Variants in USP28 observed in about 807,000 individuals in gnomAD.
USP28 encodes the protein ubiquitin carboxyl-terminal hydrolase 28.
Under a neutral mutation model 145.0 loss-of-function variants are expected in USP28, and 113 were observed. That is an observed-to-expected ratio of 0.78 (90% CI 0.67 to 0.91). The LOEUF (loss-of-function observed/expected upper bound fraction) is 0.91. USP28 is among the 40% of genes least tolerant of loss of function. The probability of loss-of-function intolerance (pLI) is 0.00; values close to 1 mark genes in which losing one functional copy is unlikely to be tolerated. For missense variants in USP28, 1,201 were observed against 1,289.6 expected (o/e 0.93, Z 1.05); for synonymous variants, 447 against 450.9 (o/e 0.99, Z 0.11).
chr11:113,813,764 T>G, intron 15 of USP28, 121 bp downstream of exon 15: 1 of 774,902 alleles, frequency 1.3e-6, no homozygotes, highest in Admixed American at 2.7e-5. Context: ...ATTTATATCT[T>G]AAGTTTATTC....
In USP28 at chr11:113,853,892, AGTAT is replaced by A. The variant is rs1946753495; in HGVS notation, c.135+362_135+365del. Among the ~76,000 whole-genome samples the A allele has an allele frequency of 4.7e-5, 7 of 149,130 alleles. No individual in the cohort carries two copies. In the South Asian group the frequency reaches 1.5e-3, roughly 31 times the overall value. ...AGACTCCATCTCAAAAAAAAAAAAA[AGTAT>A]ATATATATACATACCTTAAGAATAA... On this transcript the variant is annotated intron_variant, in intron 2 of 24. Coordinates refer to ENST00000003302, the Ensembl canonical transcript of USP28.
exon 4 of USP28, chr11:113,841,702 T>C: frequency 6.2e-7 from 1 of 1,613,578 alleles, no homozygotes; most frequent in Non-Finnish European, 8.5e-7. Context: ...TTTGGGAGAC[T>C]CCAGTAGACT....
At chr11:113,874,096 G>C (rs2137301204) in intron 1 of USP28, among the ~76,000 whole-genome samples, 1 of 144,530 alleles carries the variant, frequency 6.9e-6, no homozygotes, top group African/African-American at 2.6e-5. Context: ...AGCCGAGATC[G>C]CGCCACTGCA....
chr11:113,827,502 T>A (rs1171846398), intron 10 of USP28, 142 bp from the exon 11 acceptor site: 1 of 756,392 alleles, frequency 1.3e-6, no homozygotes, highest in Admixed American at 3.6e-5. Flanking sequence ...AGAACTTTTT[T>A]TTATCCCAAA....
intron 4 of USP28, among the ~76,000 whole-genome samples, chr11:113,841,431 C>G (rs1393625945): frequency 6.6e-6 from 1 of 152,206 alleles, no homozygotes; most frequent in African/African-American, 2.4e-5. Context: ...CAATTGTAAA[C>G]TGAAACACCT....
intron 8 of USP28, 43 bp from the exon 9 acceptor site, chr11:113,830,986 A>C (rs1943913052): frequency 6.3e-7 from 1 of 1,599,078 alleles, no homozygotes; most frequent in African/African-American, 1.4e-5. Flanking sequence ...GTTTGGATTA[A>C]GATATGTGCT....
At position 113,823,587 on chromosome 11, in the gene USP28, A is replaced by AAGG; in HGVS notation, c.1283+15_1283+17dup. 6.5e-7 allele frequency: 1 copy of AAGG among 1,542,268 alleles called. No individual in the cohort carries two copies. Among genetic ancestry groups the AAGG allele is most frequent in the Admixed American group, 1.7e-5 (1 of 58,048 alleles). On this transcript the variant is annotated intron_variant, in intron 12 of 24. Transcript: ENST00000003302. ...ATATTCTTTTACATTTCTAAGCATGAAGGTGTCCAAAACTCACCTTTCCAA... is the reference window on the plus strand; with the variant it reads ...ATATTCTTTTACATTTCTAAGCATGAAGGAGGTGTCCAAAACTCACCTTTCCAA...
Position 113,825,829 on chromosome 11 carries a change from T to C in USP28, c.1187+1404A>G, listed in dbSNP as rs1041774387. 9.5e-4 allele frequency among the ~76,000 whole-genome samples: 145 copies of C among 152,250 alleles called. 1 individual carries two copies. Among genetic ancestry groups the C allele is most frequent in the African/African-American group, 3.3e-3 (137 of 41,546 alleles). On this transcript the variant is annotated intron_variant, in intron 11 of 24. Transcript: ENST00000003302. Reference sequence around the variant, plus strand: ...AAAACATTAAGTGGTTGCCAGGACCTGGAGATGGAGAGAAAGGGAATGATC... The same window carrying C: ...AAAACATTAAGTGGTTGCCAGGACCCGGAGATGGAGAGAAAGGGAATGATC...
intron 18 of USP28, 28 bp downstream of exon 18, chr11:113,808,270 T>A (rs891379285): frequency 6.2e-7 from 1 of 1,603,938 alleles, no homozygotes; most frequent in Admixed American, 1.7e-5. Flanking sequence ...CCGGCTCTCC[T>A]GAACTTGGGC....
intron 12 of USP28, among the ~76,000 whole-genome samples, chr11:113,820,594 T>C (rs966010805): frequency 1.3e-5 from 2 of 152,150 alleles, no homozygotes; most frequent in African/African-American, 4.8e-5. Context: ...GACCTAGGGA[T>C]AGCACCATGA....
intron 1 of USP28, among the ~76,000 whole-genome samples, chr11:113,871,326 T>C (rs568816080): frequency 1.3e-5 from 2 of 152,122 alleles, no homozygotes; most frequent in South Asian, 4.1e-4. Flanking sequence ...AGTGAAGGTG[T>C]CTGGGGGTTA....
At chr11:113,866,789 T>C (rs1948290812) in intron 1 of USP28, among the ~76,000 whole-genome samples, 1 of 152,208 alleles carries the variant, frequency 6.6e-6, no homozygotes, top group Non-Finnish European at 1.5e-5. Flanking sequence ...CAACAATTCC[T>C]TCTAGGTATA....
Position 113,824,039 on chromosome 11 carries a change from TAAA to T in USP28, c.1188-342_1188-340del, listed in dbSNP as rs537756148. 2.6e-3 allele frequency among the ~76,000 whole-genome samples: 388 copies of T among 151,838 alleles called. 4 individuals are homozygous for T. Among genetic ancestry groups the T allele is most frequent in the African/African-American group, 8.9e-3 (368 of 41,398 alleles). On this transcript the variant is annotated intron_variant, in intron 11 of 24. Coordinates refer to ENST00000003302, the Ensembl canonical transcript of USP28. ...AGCATGCAGAAAATCTTAAGGAACC[TAAA>T]AAAATACATCAGAACTAATAAGTGA... is the stretch of plus-strand genomic sequence containing the variant.
chr11:113,842,926 A>C (rs1245298392), intron 3 of USP28, among the ~76,000 whole-genome samples: 1 of 152,196 alleles, frequency 6.6e-6, no homozygotes, highest in Non-Finnish European at 1.5e-5. Flanking sequence ...TGGTTCTGGA[A>C]GTTCTAGGCA....
At chr11:113,874,716 A>T (rs1203321466) in intron 1 of USP28, 2 of 1,198,530 alleles carry the variant, frequency 1.7e-6, no homozygotes, top group African/African-American at 3.2e-5. Context: ...AAGTTTCTTC[A>T]TACAGACATT....
intron 3 of USP28, among the ~76,000 whole-genome samples, chr11:113,847,564 C>G (rs1946009646): frequency 6.6e-6 from 1 of 152,146 alleles, no homozygotes; most frequent in Non-Finnish European, 1.5e-5. Flanking sequence ...ACTGCCAACA[C>G]TGTTAATGAG....
chr11:113,803,913 A>C (rs1369563282), intron 21 of USP28, 36 bp from the exon 23 acceptor site: 1 of 1,568,562 alleles, frequency 6.4e-7, no homozygotes, highest in African/African-American at 1.4e-5. Flanking sequence ...AATCATGATC[A>C]TAATAGATTG....
intron 19 of USP28, among the ~76,000 whole-genome samples, chr11:113,805,452 C>T (rs544654818): frequency 2.0e-5 from 3 of 152,032 alleles, no homozygotes; most frequent in African/African-American, 7.2e-5. Context: ...GATTGGGTTT[C>T]GCCATGTTGC....
chr11:113,845,593 TGA>T (rs1486098706), intron 3 of USP28, among the ~76,000 whole-genome samples: 7 of 152,186 alleles, frequency 4.6e-5, no homozygotes, highest in African/African-American at 1.4e-4. Flanking sequence ...GGTCTTTTTT[TGA>T]GAGAGTCTCA....
Sources: gnomAD v4.1 joint callset for allele counts (sites outside exome capture counted in the v4.1 genomes callset) on GRCh38, gnomAD v4.1.1 for gene constraint, MANE v1.5 for transcripts, NCBI Gene and HGNC (gene_info 2026-07-23, HGNC 2026-07-21) for gene names.